The following DOCK1 variants were observed in gnomAD, a reference collection of about 807,000 sequenced individuals.
DOCK1 encodes the protein dedicator of cytokinesis protein 1.
In DOCK1, 138 loss-of-function variants were observed where a neutral mutation model predicts 262.7. The observed-to-expected ratio is 0.53, with a 90% CI of 0.46 to 0.61. The LOEUF (loss-of-function observed/expected upper bound fraction) is 0.61, where lower values mean the gene tolerates loss of function less well. Among genes scored for constraint, DOCK1 ranks in the 20% least tolerant of loss-of-function variants. The pLI is 0.00. For synonymous variants in DOCK1, 866 were observed against 867.4 expected (o/e 1.00, Z 0.03); for missense variants, 1,908 against 2,370.7 (o/e 0.80, Z 4.05).
chr10:127,006,153 C>G lies in DOCK1; in HGVS notation c.986-2579C>G, dbSNP rs570354703. Among the ~76,000 whole-genome samples the G allele has an allele frequency of 1.4e-4, 22 of 152,318 alleles. 1 individual carries two copies. The highest frequency in any genetic ancestry group is 4.8e-4 in the African/African-American group (20 of 41,578). On this transcript the variant is annotated intron_variant, in intron 10 of 51. Transcript: ENST00000623213. ...CCAGCCCCTGCAGCGGAGTTGCTGA[C>G]TCGCAGGGTGTGGGGGTCCATCTGC... is the stretch of plus-strand genomic sequence containing the variant.
intron 13 of DOCK1, among the ~76,000 whole-genome samples, chr10:127,019,385 A>T (rs1284837253): frequency 6.6e-6 from 1 of 152,206 alleles, no homozygotes; most frequent in Non-Finnish European, 1.5e-5. Context: ...TTGATCATCA[A>T]GAGATCTTTG....
chr10:127,433,258 C>A, intron 47 of DOCK1, 25 bp from the exon 48 acceptor site: 1 of 1,611,886 alleles, frequency 6.2e-7, no homozygotes, highest in Non-Finnish European at 8.5e-7. Flanking sequence ...AAACAAGTCT[C>A]CTTCTCTCTC....
chr10:127,310,599 T>G (rs754999542), intron 29 of DOCK1, among the ~76,000 whole-genome samples: 4 of 152,206 alleles, frequency 2.6e-5, no homozygotes, highest in Admixed American at 6.5e-5. Flanking sequence ...GAAACTGTTC[T>G]CGTAAAAGCG....
intron 10 of DOCK1, among the ~76,000 whole-genome samples, chr10:127,002,644 C>T (rs1030988058): frequency 2.6e-5 from 4 of 152,228 alleles, no homozygotes; most frequent in African/African-American, 7.2e-5. Context: ...TGGGGCAGGG[C>T]GGGCAGCCTG....
chr10:127,110,216 CAAAA>C, intron 24 of DOCK1, 28 bp from the exon 25 acceptor site: 1 of 1,571,404 alleles, frequency 6.4e-7, no homozygotes. Flanking sequence ...CTATGTGTCT[CAAAA>C]TTATTTCCCT....
rs1479839951 is a variant in DOCK1, at chr10:127,379,529, AG to A, written c.3676-552del. Among the ~76,000 whole-genome samples, 9 of 152,352 alleles carry A rather than the reference AG, an allele frequency of 5.9e-5. No homozygotes were observed. In the Middle Eastern group the frequency reaches 0.01, roughly 173 times the overall value. On this transcript the variant is annotated intron_variant, in intron 35 of 51. Coordinates refer to ENST00000623213, the MANE Select transcript of DOCK1 (RefSeq NM_001290223.2). The stretch of plus-strand genomic sequence containing the variant: ...TAAGCGCTCCAAGTGTGGCAAGTGC[AG>A]CTGGGGAAGTGAATTATTTATTCAA...
In DOCK1 at chr10:127,405,440, A is replaced by C. The variant is rs905169906; in HGVS notation, c.4122+1011A>C. Among the ~76,000 whole-genome samples the C allele has an allele frequency of 2.3e-4, 26 of 110,940 alleles. No individual in the cohort carries two copies. In the East Asian group the frequency reaches 8.0e-3, roughly 34 times the overall value. 72.8% of individuals were successfully genotyped at this position (110,940 alleles called of 152,430 possible). ...TCATGATTTCCTGATATTTCTTATG[A>C]CTTTTTTTTTTTTTTTTTGGACACT... On this transcript the variant is annotated intron_variant, in intron 40 of 51. Transcript: ENST00000623213.
chr10:127,143,946 G>C (rs1199788126), intron 27 of DOCK1, among the ~76,000 whole-genome samples: 3 of 152,118 alleles, frequency 2.0e-5, no homozygotes, highest in East Asian at 1.9e-4. Flanking sequence ...TGTCCTTCCA[G>C]ACTCAGCCTG....
intron 33 of DOCK1, among the ~76,000 whole-genome samples, chr10:127,372,000 C>T (rs2065234278): frequency 6.6e-6 from 1 of 152,164 alleles, no homozygotes. Flanking sequence ...TCTGTCTGTG[C>T]TGCTAAAATC....
intron 29 of DOCK1, among the ~76,000 whole-genome samples, chr10:127,303,735 C>T (rs1000687205): frequency 4.6e-5 from 7 of 152,104 alleles, no homozygotes; most frequent in Non-Finnish European, 7.4e-5. Flanking sequence ...GGTGTGTGCC[C>T]GTAGTCCCAG....
chr10:127,170,149 A>C (rs1050470049), intron 27 of DOCK1, among the ~76,000 whole-genome samples: 1 of 151,948 alleles, frequency 6.6e-6, no homozygotes, highest in Non-Finnish European at 1.5e-5. Context: ...GGAGGTGATA[A>C]ATGACTGGGT....
chr10:127,154,033 A>G (rs2052776304), intron 27 of DOCK1: 3 of 749,000 alleles, frequency 4.0e-6, no homozygotes, highest in South Asian at 1.6e-5. Context: ...CATCATGGTC[A>G]TGGAAATTGA....
chr10:127,425,927 A>T lies in DOCK1; in HGVS notation c.4830A>T (p.Ala1610=), dbSNP rs1297159724. Residue 1610 remains alanine, a synonymous_variant, in exon 47 of 52, where the codon GCA becomes GCT. Coordinates refer to ENST00000623213, the MANE Select transcript of DOCK1 (RefSeq NM_001290223.2). ...TCCATGGAGACAAAGTCACGGAGGCACTGAGGCCGTTCCACGAGAGGATGG... is the reference window on the plus strand; with the variant it reads ...TCCATGGAGACAAAGTCACGGAGGCTCTGAGGCCGTTCCACGAGAGGATGG... ...IRIHGDKVTE[A]LRPFHERMEA... The T allele has an allele frequency of 1.2e-6, 2 of 1,613,940 alleles. No homozygotes were observed. The highest frequency in any genetic ancestry group is 2.7e-5 in the African/African-American group (2 of 74,944).
At chr10:127,241,536 G>A (rs1354224596) in intron 27 of DOCK1, among the ~76,000 whole-genome samples, 1 of 152,084 alleles carries the variant, frequency 6.6e-6, no homozygotes, top group Non-Finnish European at 1.5e-5. Context: ...TTCCTGCATG[G>A]CAAGCCTGGA....
intron 4 of DOCK1, among the ~76,000 whole-genome samples, chr10:126,986,056 G>A (rs1255092822): frequency 1.3e-5 from 2 of 152,186 alleles, no homozygotes; most frequent in African/African-American, 4.8e-5. Flanking sequence ...GTTTCACCAT[G>A]TTGGCCAGGC....
At chr10:127,022,803 C>T (rs1031584488) in intron 13 of DOCK1, among the ~76,000 whole-genome samples, 2 of 152,138 alleles carry the variant, frequency 1.3e-5, no homozygotes, top group African/African-American at 4.8e-5. Flanking sequence ...GTGGATACTG[C>T]GATAGTCCTT....
At chr10:127,417,841 G>A (rs2068253743) in intron 44 of DOCK1, among the ~76,000 whole-genome samples, 1 of 152,092 alleles carries the variant, frequency 6.6e-6, no homozygotes, top group Admixed American at 6.5e-5. Flanking sequence ...CTCCCAAAGT[G>A]CTAGGATTGC....
At chr10:127,422,383 T>A (rs1214230480) in intron 46 of DOCK1, among the ~76,000 whole-genome samples, 3 of 151,966 alleles carry the variant, frequency 2.0e-5, no homozygotes, top group Non-Finnish European at 4.4e-5. Flanking sequence ...GCCAGGATGG[T>A]CTCGATTTCT....
At chr10:127,418,776 A>G (rs558402087) in intron 45 of DOCK1, among the ~76,000 whole-genome samples, 1 of 152,348 alleles carries the variant, frequency 6.6e-6, no homozygotes. Context: ...GGAAGCCCCC[A>G]CTGACCCACC....
Sources: gnomAD v4.1 joint callset for allele counts (sites outside exome capture counted in the v4.1 genomes callset) on GRCh38, gnomAD v4.1.1 for gene constraint, MANE v1.5 for transcripts, NCBI Gene and HGNC (gene_info 2026-07-23, HGNC 2026-07-21) for gene names.